The following TMEM143 variants were observed in gnomAD, a reference collection of about 807,000 sequenced individuals.
TMEM143 encodes the protein transmembrane protein 143.
TMEM143 carries 45 observed loss-of-function variants against 40.3 expected under a neutral mutation model. The ratio of observed to expected loss-of-function variants is 1.12; its 90% CI spans 0.88 to 1.43. The LOEUF is 1.43. Among genes scored for constraint, TMEM143 ranks in the 40% most tolerant of loss-of-function variants. TMEM143 has a pLI of 0.00. For missense variants in TMEM143, 620 were observed against 613.4 expected, an observed-to-expected ratio of 1.01 and a Z score of -0.11; for synonymous variants, 299 against 282.7, an observed-to-expected ratio of 1.06 and a Z score of -0.58.
chr19:48,338,403 C>T (rs970452310), intron 6 of TMEM143, among the ~76,000 whole-genome samples: 1 of 152,198 alleles, frequency 6.6e-6, no homozygotes, highest in Non-Finnish European at 1.5e-5. Context: ...CTCCGTGGCC[C>T]GGCACACGAG....
At chr19:48,361,691 G>A (rs773254618) in intron 2 of TMEM143, among the ~76,000 whole-genome samples, 2 of 151,864 alleles carry the variant, frequency 1.3e-5, no homozygotes, top group Admixed American at 6.6e-5. Flanking sequence ...CACCTCGCCC[G>A]GCTAATTTTT....
rs148331223 is a variant in TMEM143, at chr19:48,342,637, C to T, written c.868G>A (p.Val290Met). Residue 290 changes from valine to methionine, a missense_variant, in exon 6 of 8, where the codon GTG becomes ATG. Physicochemically the swap from Val to Met is conservative, Grantham distance 21. Transcript: ENST00000293261. ...LLNLMLVVSG[V>M]AIFVNVGMVV... ...ATGCCCACGTTGACGAAGATCGCCA[C>T]GCCGGAGACTACCAGCATGAGGTTG... 133 of 1,613,904 alleles carry T rather than the reference C, an allele frequency of 8.2e-5. No homozygotes were observed. Among genetic ancestry groups the T allele is most frequent in the African/African-American group, 1.5e-4 (11 of 74,930 alleles).
rs1213876721 is a variant in TMEM143 at position 48,342,715 on chromosome 19, G to C, written c.790C>G (p.Gln264Glu). 6.2e-7 allele frequency: 1 copy of C among 1,614,056 alleles called. No homozygotes were observed. Among genetic ancestry groups the C allele is most frequent in the Non-Finnish European group, 8.5e-7 (1 of 1,180,030 alleles). Residue 264 changes from glutamine to glutamate, a missense_variant, in exon 6 of 8, where the codon CAG (glutamine) becomes GAG (glutamate). Gln to Glu is a conservative substitution (Grantham distance 29). Coordinates refer to ENST00000293261, the MANE Select transcript of TMEM143 (RefSeq NM_018273.4). Reference protein sequence around the residue: ...FKDTPLEGLEQLLPELKVRTP... With the variant: ...FKDTPLEGLEELLPELKVRTP... ...CGCACCTTCAGCTCCGGCAGCAGCT[G>C]CTCCAGGCCTTCCAGCGGCGTGTCC...
intron 3 of TMEM143, among the ~76,000 whole-genome samples, chr19:48,357,807 T>C (rs903186826): frequency 1.3e-5 from 2 of 152,028 alleles, no homozygotes; most frequent in Non-Finnish European, 2.9e-5. Flanking sequence ...GCCATTATTC[T>C]AAGTCAAGTA....
chr19:48,349,425 C>T (rs1032667786), intron 3 of TMEM143, among the ~76,000 whole-genome samples: 1 of 152,192 alleles, frequency 6.6e-6, no homozygotes, highest in Non-Finnish European at 1.5e-5. Flanking sequence ...GGAAGGACTG[C>T]TTAAGGCCAG....
At chr19:48,353,328 A>T (rs1799269) in intron 3 of TMEM143, among the ~76,000 whole-genome samples, 1 of 151,416 alleles carries the variant, frequency 6.6e-6, no homozygotes, top group African/African-American at 2.4e-5. Context: ...TACAGGCGCC[A>T]GCCACCATGC....
intron 3 of TMEM143, among the ~76,000 whole-genome samples, chr19:48,349,588 T>G (rs1969718230): frequency 6.6e-6 from 1 of 151,532 alleles, no homozygotes; most frequent in South Asian, 2.1e-4. Context: ...GAGGTTGCAG[T>G]AAGCTGAGAT....
intron 6 of TMEM143, among the ~76,000 whole-genome samples, chr19:48,334,632 A>C: frequency 8.2e-6 from 1 of 122,312 alleles, no homozygotes. Flanking sequence ...CCCAGTCTGG[A>C]GTTCAGTGGC....
chr19:48,345,044 A>G, intron 4 of TMEM143, 116 bp downstream of exon 4: 1 of 1,133,712 alleles, frequency 8.8e-7, no homozygotes, highest in Non-Finnish European at 1.2e-6. Context: ...CAAGTGCGCC[A>G]TATGGGCCAC....
intron 3 of TMEM143, among the ~76,000 whole-genome samples, chr19:48,355,557 A>T (rs1018155796): frequency 9.2e-5 from 14 of 152,156 alleles, no homozygotes. Flanking sequence ...GGAGTCAATA[A>T]GCCAGACACA....
intron 6 of TMEM143, among the ~76,000 whole-genome samples, chr19:48,336,981 A>T (rs1424405261): frequency 6.6e-6 from 1 of 151,674 alleles, no homozygotes; most frequent in East Asian, 1.9e-4. Flanking sequence ...AGATCGCACC[A>T]CTGCACTCCA....
Position 48,342,746 on chromosome 19 carries a change from A to G in TMEM143, c.759T>C (p.Ser253=). ...RTKRGHLVLK[S]FKDTPLEGLE... ...GGCCTTCCAGCGGCGTGTCCTTGAAACTCTTCAGTACCAGGTGTCCCCGTT... is the reference window on the plus strand; with the variant it reads ...GGCCTTCCAGCGGCGTGTCCTTGAAGCTCTTCAGTACCAGGTGTCCCCGTT... Residue 253 remains serine, a synonymous_variant, in exon 6 of 8, where the codon AGT becomes AGC. Transcript: ENST00000293261. The G allele has an allele frequency of 6.2e-7, 1 of 1,612,852 alleles. No individual in the cohort carries two copies. Among genetic ancestry groups the G allele is most frequent in the Non-Finnish European group, 8.5e-7 (1 of 1,179,426 alleles).
At chr19:48,343,502 T>C (rs1437940914) in intron 4 of TMEM143, 51 bp from the exon 5 acceptor site, 7 of 1,533,636 alleles carry the variant, frequency 4.6e-6, no homozygotes, top group Non-Finnish European at 6.2e-6. Flanking sequence ...GCAGGAGTGT[T>C]GAGGGCAGGA....
chr19:48,359,710 T>TA (rs1969993693), intron 3 of TMEM143, among the ~76,000 whole-genome samples: 1 of 152,034 alleles, frequency 6.6e-6, no homozygotes, highest in Non-Finnish European at 1.5e-5. Flanking sequence ...GGTTTCACCG[T>TA]GTTAGCCAGG....
chr19:48,349,059 G>A (rs1162503643), intron 3 of TMEM143, among the ~76,000 whole-genome samples: 1 of 152,126 alleles, frequency 6.6e-6, no homozygotes, highest in Non-Finnish European at 1.5e-5. Context: ...AGGCGTGGTG[G>A]TGCACACCTG....
rs1041214122 is a variant in TMEM143 at position 48,333,487 on chromosome 19, G to A, written c.1166-54C>T. 37 of 1,308,962 alleles carry A rather than the reference G, an allele frequency of 2.8e-5. No individual in the cohort carries two copies. Among genetic ancestry groups the A allele is most frequent in the African/African-American group, 8.7e-5 (6 of 68,812 alleles). 81.1% of individuals were successfully genotyped at this position (1,308,962 alleles called of 1,614,324 possible). ...GTCACACTGAGATCGGGGAAGATTC[G>A]AGGGAGCAGCAAGGAGGGGCGTAGG... is the stretch of plus-strand genomic sequence containing the variant. On this transcript the variant is annotated intron_variant, in intron 7 of 7. Transcript: ENST00000293261. This position sits in a 1 kb window ranked among gnomAD's most constrained non-coding sequence, Gnocchi z 4.1.
At chr19:48,361,606 C>T (rs1330156973) in intron 2 of TMEM143, among the ~76,000 whole-genome samples, 1 of 150,382 alleles carries the variant, frequency 6.6e-6, no homozygotes, top group Non-Finnish European at 1.5e-5. Context: ...TCTCGGCTCA[C>T]TGCAAGCTCC....
chr19:48,359,333 C>A (rs892906472), intron 3 of TMEM143, among the ~76,000 whole-genome samples: 2 of 151,864 alleles, frequency 1.3e-5, no homozygotes, highest in Non-Finnish European at 2.9e-5. Context: ...ATACTCCAGG[C>A]CTCCACTCAC....
At chr19:48,335,634 A>G (rs1969351507) in intron 6 of TMEM143, among the ~76,000 whole-genome samples, 1 of 152,118 alleles carries the variant, frequency 6.6e-6, no homozygotes, top group African/African-American at 2.4e-5. Context: ...GAGGCAGGAG[A>G]ATCGCTTGAA....
Sources: gnomAD v4.1 joint callset for allele counts (sites outside exome capture counted in the v4.1 genomes callset) on GRCh38, gnomAD v4.1.1 for gene constraint, Gnocchi (gnomAD v3.1) non-coding constraint, MANE v1.5 for transcripts, NCBI Gene and HGNC (gene_info 2026-07-23, HGNC 2026-07-21) for gene names.